RABGAP1L: variants seen among roughly 807,000 people sequenced by gnomAD.
RABGAP1L encodes rab GTPase-activating protein 1-like.
Under a neutral mutation model 137.7 loss-of-function variants are expected in RABGAP1L, and 63 were observed. The ratio of observed to expected loss-of-function variants is 0.46; its 90% CI spans 0.37 to 0.56. The LOEUF (loss-of-function observed/expected upper bound fraction) is 0.56. Ranked by LOEUF, RABGAP1L falls within the 20% of genes least tolerant of loss-of-function variation. The pLI is 0.00. For missense variants in RABGAP1L, 1,095 were observed against 1,244.0 expected (o/e 0.88, Z 1.80); for synonymous variants, 431 against 433.7 (o/e 0.99, Z 0.08).
intron 19 of RABGAP1L, among the ~76,000 whole-genome samples, chr1:174,889,485 A>G (rs1284788114): frequency 3.3e-5 from 5 of 152,162 alleles, no homozygotes; most frequent in Non-Finnish European, 5.9e-5. Context: ...CAGTGGCGTG[A>G]TAATGGCTCA....
chr1:174,577,957 C>A (rs547162363), intron 13 of RABGAP1L, among the ~76,000 whole-genome samples: 1 of 152,184 alleles, frequency 6.6e-6, no homozygotes, highest in Non-Finnish European at 1.5e-5. Context: ...CACTGATCTT[C>A]TCTTTTTTCA....
Position 174,827,036 on chromosome 1 carries a change from G to C in RABGAP1L, c.2340+15076G>C, listed in dbSNP as rs545330128. Among the ~76,000 whole-genome samples the C allele has an allele frequency of 3.3e-5, 5 of 152,248 alleles. No homozygotes were observed. The South Asian group carries it at 1.0e-3, about 32-fold the overall frequency. On this transcript the variant is annotated intron_variant, in intron 19 of 25. Coordinates refer to ENST00000681986, the MANE Select transcript of RABGAP1L (RefSeq NM_001366446.1). ...GTTGGCAGGGTTGATTTCTTTTGAG[G>C]CCTCTCTTCTTGGTTTCCACATGGG...
chr1:174,654,642 A>G (rs1016699594), intron 14 of RABGAP1L, among the ~76,000 whole-genome samples: 6 of 152,170 alleles, frequency 3.9e-5, no homozygotes, highest in East Asian at 1.9e-4. Flanking sequence ...TAAAAAAAAT[A>G]TGGTGTTCTA....
chr1:174,712,265 C>G (rs751864618), intron 17 of RABGAP1L, among the ~76,000 whole-genome samples: 1 of 152,164 alleles, frequency 6.6e-6, no homozygotes, highest in Admixed American at 6.5e-5. Flanking sequence ...AAGCTTTGTT[C>G]TTTTGCTCTT....
chr1:174,734,954 CTT>C (rs756783714), intron 17 of RABGAP1L, among the ~76,000 whole-genome samples: 13 of 96,106 alleles, frequency 1.4e-4, no homozygotes, highest in African/African-American at 1.8e-4. Flanking sequence ...GGATCTCTCT[CTT>C]TTTTTTTTTT....
At chr1:174,882,458 A>T (rs777213814) in intron 19 of RABGAP1L, among the ~76,000 whole-genome samples, 10 of 152,212 alleles carry the variant, frequency 6.6e-5, no homozygotes, top group Non-Finnish European at 1.5e-4. Context: ...CACAAAACTG[A>T]AAGAAAATTT....
chr1:174,466,258 A>T (rs1163793717), intron 13 of RABGAP1L, among the ~76,000 whole-genome samples: 1 of 152,192 alleles, frequency 6.6e-6, no homozygotes, highest in Admixed American at 6.5e-5. Flanking sequence ...TTTTTAATAG[A>T]TTTAGAAAGC....
In RABGAP1L at chr1:174,231,239, T is replaced by A. The variant is rs1367052645; in HGVS notation, c.426T>A (p.Val142=). The change falls in exon 4 of 26, where the codon GTT becomes GTA. Residue 142 remains valine, a synonymous_variant. Coordinates refer to ENST00000681986, the MANE Select transcript of RABGAP1L (RefSeq NM_001366446.1). ...NKLTYLGCMK[V]SSPRNEVEAL... ...TGACCTACTTAGGATGTATGAAGGT[T>A]TCTTCCCCACGTAATGAAGTAGAGG... 6.2e-7 allele frequency: 1 copy of A among 1,613,976 alleles called. No homozygotes were observed. Among genetic ancestry groups the A allele is most frequent in the Non-Finnish European group, 8.5e-7 (1 of 1,179,866 alleles).
chr1:174,620,522 T>C (rs1042417091), intron 13 of RABGAP1L, among the ~76,000 whole-genome samples: 1 of 152,142 alleles, frequency 6.6e-6, no homozygotes, highest in Admixed American at 6.5e-5. Flanking sequence ...AACAACCTGC[T>C]CCTGAATGAC....
intron 13 of RABGAP1L, among the ~76,000 whole-genome samples, chr1:174,626,455 C>G (rs1672951555): frequency 6.6e-6 from 1 of 152,184 alleles, no homozygotes; most frequent in Non-Finnish European, 1.5e-5. Context: ...ACACGCCTCC[C>G]TTTAGTTCTC....
chr1:174,255,198 G>T (rs1673022225), intron 7 of RABGAP1L, among the ~76,000 whole-genome samples: 1 of 151,986 alleles, frequency 6.6e-6, no homozygotes, highest in Admixed American at 6.5e-5. Context: ...AAAAAATAAT[G>T]GTGAGTCTTA....
chr1:174,407,488 T>C (rs761007230), intron 13 of RABGAP1L, among the ~76,000 whole-genome samples: 4 of 152,166 alleles, frequency 2.6e-5, no homozygotes, highest in Admixed American at 6.5e-5. Flanking sequence ...AATAGCCTAT[T>C]GTTGAGTGGA....
At chr1:174,573,616 T>C (rs1469804323) in intron 13 of RABGAP1L, among the ~76,000 whole-genome samples, 1 of 152,216 alleles carries the variant, frequency 6.6e-6, no homozygotes, top group Non-Finnish European at 1.5e-5. Flanking sequence ...TACTATGTTA[T>C]GGTATATTTT....
chr1:174,162,035 A>AT (rs5778796), intron 1 of RABGAP1L, among the ~76,000 whole-genome samples: 8,911 of 141,392 alleles, frequency 0.063, 878 homozygotes, highest in African/African-American at 0.21. Context: ...TGCTTGTCCC[A>AT]TTTTTTTTTT....
At chr1:174,449,789 C>T (rs1188144063) in intron 13 of RABGAP1L, among the ~76,000 whole-genome samples, 1 of 152,158 alleles carries the variant, frequency 6.6e-6, no homozygotes, top group Non-Finnish European at 1.5e-5. Flanking sequence ...ATAATGTTCT[C>T]TGCAGCACAG....
chr1:174,835,033 G>C (rs1166807365), intron 19 of RABGAP1L, among the ~76,000 whole-genome samples: 1 of 152,148 alleles, frequency 6.6e-6, no homozygotes, highest in Non-Finnish European at 1.5e-5. Context: ...ATATGACTTG[G>C]ATTAGAGGAA....
chr1:174,871,117 T>C (rs757999050), intron 19 of RABGAP1L, among the ~76,000 whole-genome samples: 1 of 152,094 alleles, frequency 6.6e-6, no homozygotes, highest in Non-Finnish European at 1.5e-5. Flanking sequence ...ATCCCCCTTA[T>C]GCACATTATA....
In RABGAP1L at chr1:174,596,086, G is replaced by A. The variant is rs554132719; in HGVS notation, c.1711-41289G>A. On this transcript the variant is annotated intron_variant, in intron 13 of 25. Transcript: ENST00000681986. ...GCCGTTTCTTAAGCCGGTCTGAAAA[G>A]CGCAATATTCGGGTGGGAGTGACCC... Among the ~76,000 whole-genome samples, 328 of 126,370 alleles carry A rather than the reference G, an allele frequency of 2.6e-3. 2 individuals carry two copies. The highest frequency in any genetic ancestry group is 9.5e-3 in the African/African-American group (264 of 27,710). 82.9% of individuals were successfully genotyped at this position (126,370 alleles called of 152,430 possible).
chr1:174,448,967 C>G lies in RABGAP1L; in HGVS notation c.1710+54822C>G, dbSNP rs768744407. On this transcript the variant is annotated intron_variant, in intron 13 of 25. Transcript: ENST00000681986. This position sits in a 1 kb window ranked among gnomAD's most constrained non-coding sequence, Gnocchi z 4.2. ...GTGGCTCCCCTATATAATTTACTTT[C>G]TTCTAGAAAGCTCCCGGGTCTTGGA... 9 of 1,614,010 alleles carry G rather than the reference C, an allele frequency of 5.6e-6. No homozygotes were observed. Among genetic ancestry groups the G allele is most frequent in the Non-Finnish European group, 7.6e-6 (9 of 1,179,894 alleles).
Sources: allele counts gnomAD v4.1 joint callset (sites outside exome capture counted in the v4.1 genomes callset), GRCh38; gene constraint gnomAD v4.1.1; non-coding constraint Gnocchi (gnomAD v3.1); transcripts MANE v1.5; gene names NCBI Gene and HGNC (gene_info 2026-07-23, HGNC 2026-07-21).